The following BMPR2 variants were observed in gnomAD, a reference collection of about 807,000 sequenced individuals.
BMPR2 encodes bone morphogenetic protein receptor type 2, also known as bone morphogenetic protein receptor type-2.
A neutral mutation model predicts 100.8 loss-of-function variants in BMPR2; 29 were observed. The observed-to-expected ratio is 0.29, with a 90% CI of 0.21 to 0.39. BMPR2 has a LOEUF of 0.39. BMPR2 is among the 10% of genes least tolerant of loss of function. The probability of loss-of-function intolerance (pLI) is 1.00; values close to 1 mark genes in which losing one functional copy is unlikely to be tolerated. For missense variants in BMPR2, 1,011 were observed against 1,274.5 expected (o/e 0.79, Z 3.15); for synonymous variants, 382 against 442.3 (o/e 0.86, Z 1.71).
At chr2:202,393,897 G>C (rs1690605726) in intron 1 of BMPR2, among the ~76,000 whole-genome samples, 1 of 103,964 alleles carries the variant, frequency 9.6e-6, no homozygotes, top group Admixed American at 9.6e-5. Flanking sequence ...GAGAGAGAGA[G>C]AGAGAGAGAG....
intron 1 of BMPR2, among the ~76,000 whole-genome samples, chr2:202,394,954 C>A (rs759349748): frequency 3.3e-5 from 5 of 151,424 alleles, no homozygotes; most frequent in Non-Finnish European, 7.4e-5. Flanking sequence ...GGCGCAATCT[C>A]GGCTCACTGC....
At chr2:202,484,155 C>A (rs890285553) in intron 3 of BMPR2, among the ~76,000 whole-genome samples, 17 of 152,074 alleles carry the variant, frequency 1.1e-4, no homozygotes, top group Admixed American at 6.6e-5. Flanking sequence ...ATGGTAAAGT[C>A]AAAAAATTTT....
At chr2:202,515,404 T>G (rs572184311) in intron 5 of BMPR2, among the ~76,000 whole-genome samples, 12 of 151,752 alleles carry the variant, frequency 7.9e-5, no homozygotes, top group African/African-American at 2.9e-4. Context: ...AAACCCTGTC[T>G]CTGCTAAAAA....
At chr2:202,378,097 G>A (rs112050627) in intron 1 of BMPR2, among the ~76,000 whole-genome samples, 6 of 152,338 alleles carry the variant, frequency 3.9e-5, no homozygotes, top group South Asian at 2.1e-4. Flanking sequence ...AGAACTGTGA[G>A]ATTCTTGATA....
chr2:202,479,438 CTG>C (rs1692616743), intron 3 of BMPR2, among the ~76,000 whole-genome samples: 1 of 152,080 alleles, frequency 6.6e-6, no homozygotes, highest in African/African-American at 2.4e-5. Context: ...CCCATAGAAA[CTG>C]TGAGATAATA....
At chr2:202,464,159 CAAAAAAAAAAAA>C (rs71406983) in intron 1 of BMPR2, among the ~76,000 whole-genome samples, 20 of 62,970 alleles carry the variant, frequency 3.2e-4, no homozygotes, top group African/African-American at 1.2e-3. Flanking sequence ...AACTCTGTCT[CAAAAAAAAAAAA>C]AAAAAAAAAA....
At chr2:202,409,756 G>A (rs940283409) in intron 1 of BMPR2, among the ~76,000 whole-genome samples, 1 of 152,082 alleles carries the variant, frequency 6.6e-6, no homozygotes, top group Non-Finnish European at 1.5e-5. Context: ...AAAATTATAA[G>A]GCTAAAGACA....
At chr2:202,470,605 CA>C (rs1050305331) in intron 3 of BMPR2, among the ~76,000 whole-genome samples, 67 of 146,650 alleles carry the variant, frequency 4.6e-4, no homozygotes, top group Admixed American at 1.4e-3. Flanking sequence ...ACTAAAAATA[CA>C]AAAAAAAATT....
At chr2:202,519,130 G>C (rs1237742269) in intron 6 of BMPR2, 78 bp downstream of exon 6, 7 of 1,439,066 alleles carry the variant, frequency 4.9e-6, no homozygotes, top group Non-Finnish European at 6.8e-6. Flanking sequence ...TGGAGGCTAA[G>C]GCAGGTGGAT....
intron 1 of BMPR2, among the ~76,000 whole-genome samples, chr2:202,415,701 A>G (rs1474993067): frequency 6.6e-6 from 1 of 152,246 alleles, no homozygotes; most frequent in Non-Finnish European, 1.5e-5. Context: ...ATGACAGCAC[A>G]TCTGCTTACA....
At chr2:202,482,307 C>A (rs770128371) in intron 3 of BMPR2, among the ~76,000 whole-genome samples, 1 of 152,166 alleles carries the variant, frequency 6.6e-6, no homozygotes, top group South Asian at 2.1e-4. Context: ...CTCTTTGAGA[C>A]CCTGCTTTCA....
intron 10 of BMPR2, among the ~76,000 whole-genome samples, chr2:202,552,075 G>A (rs571784477): frequency 1.2e-3 from 188 of 152,112 alleles, no homozygotes; most frequent in Admixed American, 2.6e-3. Flanking sequence ...GGCTGGTCTC[G>A]AACTCCTGAC....
chr2:202,476,691 A>T (rs1433553131), intron 3 of BMPR2, among the ~76,000 whole-genome samples: 1 of 152,174 alleles, frequency 6.6e-6, no homozygotes, highest in African/African-American at 2.4e-5. Flanking sequence ...TGGGAGGCTG[A>T]GGCAGGAGAA....
chr2:202,505,257 A>T (rs1403981707), intron 3 of BMPR2: 5 of 151,734 alleles, frequency 3.3e-5, no homozygotes, highest in African/African-American at 1.2e-4. Flanking sequence ...TCTGATTAGG[A>T]CTTATTACAG....
At chr2:202,436,603 TGCCAC>T (rs1177242643) in intron 1 of BMPR2, among the ~76,000 whole-genome samples, 1 of 150,830 alleles carries the variant, frequency 6.6e-6, no homozygotes, top group Non-Finnish European at 1.5e-5. Flanking sequence ...TTTGTGAGTT[TGCCAC>T]CCCTGAAAAC....
intron 3 of BMPR2, among the ~76,000 whole-genome samples, chr2:202,484,968 CAAA>C (rs747890922): frequency 3.3e-5 from 2 of 59,862 alleles, no homozygotes; most frequent in African/African-American, 1.4e-4. Context: ...GACTCCGTCT[CAAA>C]AAAAAAAAAA....
At chr2:202,480,167 C>G (rs1208138611) in intron 3 of BMPR2, among the ~76,000 whole-genome samples, 1 of 151,140 alleles carries the variant, frequency 6.6e-6, no homozygotes, top group Admixed American at 6.6e-5. Flanking sequence ...GAGCCTCACT[C>G]TGTCGCCCAG....
At chr2:202,530,663 C>T (rs996801233) in intron 7 of BMPR2, 131 bp from the exon 8 acceptor site, 11 of 768,480 alleles carry the variant, frequency 1.4e-5, no homozygotes, top group South Asian at 7.6e-5. Flanking sequence ...GTTGAAATTC[C>T]GATTTCTCTT....
rs537657024 is a variant in BMPR2, at chr2:202,398,578, G to T, written c.76+21028G>T. Among the ~76,000 whole-genome samples, 6 of 152,316 alleles carry T rather than the reference G, an allele frequency of 3.9e-5. No homozygotes were observed. In the South Asian group the frequency reaches 1.2e-3, roughly 32 times the overall value. ...ATATATTTAAGGAGAAGGCAAGTTT[G>T]TAACACACTAAGACAAAATATTAAC... On this transcript the variant is annotated intron_variant, in intron 1 of 12. Coordinates refer to ENST00000374580, the MANE Select transcript of BMPR2 (RefSeq NM_001204.7).
Sources: gnomAD v4.1 joint callset for allele counts (sites outside exome capture counted in the v4.1 genomes callset) on GRCh38, gnomAD v4.1.1 for gene constraint, MANE v1.5 for transcripts, NCBI Gene and HGNC (gene_info 2026-07-23, HGNC 2026-07-21) for gene names.